Variants in RCSD1 observed in about 807,000 individuals in gnomAD.
RCSD1 encodes capZ-interacting protein.
Under a neutral mutation model 42.5 loss-of-function variants are expected in RCSD1, and 26 were observed. The observed-to-expected ratio is 0.61, with a 90% confidence interval of 0.45 to 0.85. The LOEUF (loss-of-function observed/expected upper bound fraction) is 0.85, where lower values mean the gene tolerates loss of function less well. Ranked by LOEUF, RCSD1 falls within the 40% of genes least tolerant of loss-of-function variation. The pLI, the probability that RCSD1 is intolerant of heterozygous loss-of-function variation, is 0.00. For synonymous variants in RCSD1, 220 were observed against 212.2 expected (o/e 1.04, Z -0.32); for missense variants, 571 against 528.3 (o/e 1.08, Z -0.79).
At chr1:167,643,158 C>T (rs1471489987) in intron 1 of RCSD1, among the ~76,000 whole-genome samples, 4 of 152,140 alleles carry the variant, frequency 2.6e-5, no homozygotes, top group African/African-American at 7.2e-5. Context: ...ATGAAAGTAC[C>T]TTGAAGCGTT....
At chr1:167,696,027 G>A (rs1033895203) in intron 5 of RCSD1, among the ~76,000 whole-genome samples, 5 of 152,122 alleles carry the variant, frequency 3.3e-5, no homozygotes, top group African/African-American at 1.2e-4. Flanking sequence ...CTGAGTTCTA[G>A]AAGCAAAGGA....
chr1:167,656,785 G>A (rs1658434458), intron 1 of RCSD1, among the ~76,000 whole-genome samples: 2 of 152,194 alleles, frequency 1.3e-5, no homozygotes, highest in African/African-American at 2.4e-5. Context: ...ACAAAGCTGG[G>A]CCTGGATGAA....
chr1:167,640,790 T>A (rs1167882312), intron 1 of RCSD1: 1 of 152,284 alleles, frequency 6.6e-6, no homozygotes, highest in Non-Finnish European at 1.5e-5. Flanking sequence ...GCTCAAGTGA[T>A]CCTCCCACCA....
At chr1:167,647,130 C>CAAAA (rs5778560) in intron 1 of RCSD1, among the ~76,000 whole-genome samples, 2 of 112,556 alleles carry the variant, frequency 1.8e-5, no homozygotes, top group Non-Finnish European at 1.7e-5. Flanking sequence ...AACTCCATCT[C>CAAAA]AAAAAAAAAG....
chr1:167,703,732 A>G (rs1890130), intron 6 of RCSD1, among the ~76,000 whole-genome samples: 26,977 of 152,110 alleles, frequency 0.18, 2,737 homozygotes, highest in South Asian at 0.23. Flanking sequence ...ATGCTCCCCA[A>G]TAGTGGGGCC....
At chr1:167,672,311 C>T (rs1450080194) in intron 1 of RCSD1, among the ~76,000 whole-genome samples, 3 of 152,158 alleles carry the variant, frequency 2.0e-5, no homozygotes, top group Non-Finnish European at 4.4e-5. Flanking sequence ...AATACTTGAC[C>T]GACTGACTGT....
intron 1 of RCSD1, among the ~76,000 whole-genome samples, chr1:167,672,396 A>C (rs781633040): frequency 5.9e-5 from 9 of 152,176 alleles, no homozygotes; most frequent in Admixed American, 5.2e-4. Context: ...ATTATCTTAG[A>C]GTTCTGGAGG....
chr1:167,641,288 T>G (rs769713753), intron 1 of RCSD1: 7 of 152,330 alleles, frequency 4.6e-5, no homozygotes, highest in Non-Finnish European at 7.3e-5. Flanking sequence ...CGAGATTATC[T>G]AGGATCACCA....
chr1:167,630,477 TCGGGCGCCCCTTCCC>T, intron 1 of RCSD1, 48 bp downstream of exon 1: 1 of 1,503,048 alleles, frequency 6.7e-7, no homozygotes, highest in Non-Finnish European at 8.9e-7. Flanking sequence ...GAGCGGTGTA[TCGGGCGCCCCTTCCC>T]CGGGCGGCTG....
chr1:167,632,228 C>T (rs1338082235), intron 1 of RCSD1, among the ~76,000 whole-genome samples: 1 of 152,220 alleles, frequency 6.6e-6, no homozygotes, highest in African/African-American at 2.4e-5. Context: ...TTAGAAGTGG[C>T]TTCCCTCTTC....
chr1:167,694,925 G>A (rs933679910), intron 5 of RCSD1, among the ~76,000 whole-genome samples: 1 of 152,162 alleles, frequency 6.6e-6, no homozygotes, highest in African/African-American at 2.4e-5. Flanking sequence ...CAGAGATAGG[G>A]GCCAAGCAGG....
chr1:167,708,075 TC>T lies in RCSD1; in HGVS notation c.*3381del. Among the ~76,000 whole-genome samples, 1 of 152,186 alleles carries T rather than the reference TC, an allele frequency of 6.6e-6. No individual in the cohort carries two copies. The highest frequency in any genetic ancestry group is 1.9e-4 in the East Asian group (1 of 5,192). On this transcript the variant is annotated 3_prime_UTR_variant, in exon 7 of 7. Coordinates refer to ENST00000367854, the MANE Select transcript of RCSD1 (RefSeq NM_052862.4). ...TTTCACCATTACTGTGGGGAAAAAG[TC>T]CTGTAGAGGCTTTCCATAGGCCCTG...
chr1:167,688,923 A>G (rs1006109658), intron 3 of RCSD1, among the ~76,000 whole-genome samples: 1 of 152,104 alleles, frequency 6.6e-6, no homozygotes, highest in African/African-American at 2.4e-5. Context: ...TCATCATCCT[A>G]TCACTGTCAC....
intron 6 of RCSD1, among the ~76,000 whole-genome samples, chr1:167,699,518 G>A (rs1040341226): frequency 2.0e-4 from 30 of 151,996 alleles, no homozygotes; most frequent in East Asian, 7.7e-4. Context: ...TCCATCACAC[G>A]GCCTTTCACT....
chr1:167,667,876 T>G (rs1658697176), intron 1 of RCSD1, among the ~76,000 whole-genome samples: 2 of 152,206 alleles, frequency 1.3e-5, no homozygotes, highest in Non-Finnish European at 2.9e-5. Context: ...ATTTGTTCAT[T>G]CATTTACCGG....
At chr1:167,701,316 CTTTT>C (rs199883554) in intron 6 of RCSD1, among the ~76,000 whole-genome samples, 1,961 of 130,328 alleles carry the variant, frequency 0.015, 24 homozygotes, top group South Asian at 0.029. Context: ...TTCTTTCTTT[CTTTT>C]TTTTAGATGG....
At chr1:167,669,465 A>G (rs1658749829) in intron 1 of RCSD1, among the ~76,000 whole-genome samples, 2 of 152,166 alleles carry the variant, frequency 1.3e-5, no homozygotes. Flanking sequence ...AACCATCAGA[A>G]ATTATGTCTA....
Position 167,706,448 on chromosome 1 carries a change from T to C in RCSD1, c.*1752T>C, listed in dbSNP as rs74956537. Among the ~76,000 whole-genome samples, 11 of 152,078 alleles carry C rather than the reference T, an allele frequency of 7.2e-5. No individual in the cohort carries two copies. In the East Asian group the frequency reaches 2.1e-3, roughly 29 times the overall value. On this transcript the variant is annotated 3_prime_UTR_variant, in exon 7 of 7. Transcript: ENST00000367854. Reference sequence around the variant, plus strand: ...GGCAAGTACTTTGTGAATATGTGCATGATTGTGAATGTGTGATGAAAAGGG... The same window carrying C: ...GGCAAGTACTTTGTGAATATGTGCACGATTGTGAATGTGTGATGAAAAGGG...
At chr1:167,656,761 C>A (rs1372088341) in intron 1 of RCSD1, among the ~76,000 whole-genome samples, 4 of 152,158 alleles carry the variant, frequency 2.6e-5, no homozygotes, top group African/African-American at 9.7e-5. Context: ...GAGAGGGAGG[C>A]ATGGAAACAA....
Sources: allele counts gnomAD v4.1 joint callset (sites outside exome capture counted in the v4.1 genomes callset), GRCh38; gene constraint gnomAD v4.1.1; transcripts MANE v1.5; gene names NCBI Gene and HGNC (gene_info 2026-07-23, HGNC 2026-07-21).